Variants in F13B observed in about 807,000 individuals in gnomAD.
The protein encoded by F13B is TGase.
In F13B, 58 loss-of-function variants were observed where a neutral mutation model predicts 79.8. The observed-to-expected ratio is 0.73, with a 90% CI of 0.59 to 0.90. The LOEUF is 0.90. F13B is among the 40% of genes least tolerant of loss of function. The pLI, the probability that F13B is intolerant of heterozygous loss-of-function variation, is 0.00. For synonymous variants in F13B, 283 were observed against 260.3 expected, an observed-to-expected ratio of 1.09 and a Z score of -0.84; for missense variants, 773 against 777.0, an observed-to-expected ratio of 0.99 and a Z score of 0.06.
intron 10 of F13B, among the ~76,000 whole-genome samples, chr1:197,041,112 T>G (rs1655022162): frequency 6.6e-6 from 1 of 152,126 alleles, no homozygotes; most frequent in South Asian, 2.1e-4. Flanking sequence ...CCCTTTTCCT[T>G]CTTCAGAAAG....
chr1:197,060,496 A>T lies in F13B; in HGVS notation c.675T>A (p.His225Gln), dbSNP rs182353865. 1.4e-5 allele frequency: 22 copies of T among 1,604,462 alleles called. No individual in the cohort carries two copies. In the East Asian group the frequency reaches 2.5e-4, roughly 18 times the overall value. ...CTTCTTCATAGGTTTGCTTTACAGG[A>T]TGAAAATAACCATTTTCAATTAATC... is the stretch of plus-strand genomic sequence containing the variant. ...SLRLIENGYF[H>Q]PVKQTYEEGD... The change falls in exon 5 of 12, where the codon CAT becomes CAA. Residue 225 changes from histidine to glutamine, a missense_variant. By Grantham distance (24) the His-to-Gln change is conservative. Coordinates refer to ENST00000367412, the MANE Select transcript of F13B (RefSeq NM_001994.3).
intron 1 of F13B, among the ~76,000 whole-genome samples, chr1:197,065,081 C>T (rs990845607): frequency 2.6e-5 from 4 of 152,122 alleles, no homozygotes; most frequent in African/African-American, 9.7e-5. Flanking sequence ...TTATTCTCAC[C>T]ATTTTTTCAC....
At chr1:197,044,070 GAGAGAGAGAGAGAA>G (rs1345524269) in intron 10 of F13B, among the ~76,000 whole-genome samples, 1 of 151,124 alleles carries the variant, frequency 6.6e-6, no homozygotes, top group Non-Finnish European at 1.5e-5. Flanking sequence ...TATATATATA[GAGAGAGAGAGAGAA>G]AGAGAGAGAG....
Position 197,062,837 on chromosome 1 carries a change from G to A in F13B, c.265+20C>T, listed in dbSNP as rs764316971. 2.5e-6 allele frequency: 4 copies of A among 1,611,132 alleles called. No homozygotes were observed. The highest frequency in any genetic ancestry group is 3.4e-6 in the Non-Finnish European group (4 of 1,177,444). On this transcript the variant is annotated intron_variant, in intron 2 of 11. Transcript: ENST00000367412. ...TTCTTTGAGTATTGAAACATTGAGT[G>A]ACATATCCAGCTGACTTACTGAAGC...
intron 10 of F13B, among the ~76,000 whole-genome samples, chr1:197,046,538 C>A (rs1179931835): frequency 6.6e-6 from 1 of 152,178 alleles, no homozygotes; most frequent in Non-Finnish European, 1.5e-5. Flanking sequence ...AAGAACATTC[C>A]ATGCTCATGG....
At chr1:197,049,498 A>G (rs1364319500) in intron 10 of F13B, among the ~76,000 whole-genome samples, 1 of 152,118 alleles carries the variant, frequency 6.6e-6, no homozygotes, top group Non-Finnish European at 1.5e-5. Context: ...GTAATGAACC[A>G]TCAAGAAACC....
Position 197,055,909 on chromosome 1 carries a change from G to A in F13B, c.1172-12C>T. ...ATTCTCATTATTTTCTAAGAAAAGA[G>A]GTTGTTTTAAAATTAATATGAGCTC... On this transcript the variant is annotated splice_polypyrimidine_tract_variant and intron_variant, in intron 7 of 11. Coordinates refer to ENST00000367412, the MANE Select transcript of F13B (RefSeq NM_001994.3). 1 of 1,610,980 alleles carries A rather than the reference G, an allele frequency of 6.2e-7. No homozygotes were observed. Among genetic ancestry groups the A allele is most frequent in the South Asian group, 1.1e-5 (1 of 90,958 alleles).
chr1:197,039,488 T>A, intron 11 of F13B, 77 bp from the exon 12 acceptor site: 1 of 1,129,730 alleles, frequency 8.9e-7, no homozygotes, highest in Non-Finnish European at 1.3e-6. Context: ...AGCCTTTCAA[T>A]TTTTCATATA....
intron 10 of F13B, among the ~76,000 whole-genome samples, chr1:197,042,644 C>G (rs1397118663): frequency 6.9e-6 from 1 of 145,756 alleles, no homozygotes; most frequent in South Asian, 2.3e-4. Flanking sequence ...CATGGTGAAA[C>G]CCCATCTCTA....
intron 10 of F13B, 139 bp downstream of exon 10, chr1:197,050,558 G>T: frequency 1.4e-6 from 1 of 735,540 alleles, no homozygotes; most frequent in Non-Finnish European, 2.2e-6. Context: ...ATAGAAAGCA[G>T]TGATAAAATA....
chr1:197,056,994 G>T lies in F13B; in HGVS notation c.1171+19C>A, dbSNP rs1430692296. The stretch of plus-strand genomic sequence containing the variant: ...TACACCATAAGTTTAGCTACTGATG[G>T]TAAATGTAGCATACATACCAACACA... On this transcript the variant is annotated intron_variant, in intron 7 of 11. Coordinates refer to ENST00000367412, the MANE Select transcript of F13B (RefSeq NM_001994.3). The T allele has an allele frequency of 1.9e-6, 3 of 1,611,510 alleles. No homozygotes were observed. The highest frequency in any genetic ancestry group is 2.2e-5 in the South Asian group (2 of 91,026).
intron 11 of F13B, 33 bp downstream of exon 11, chr1:197,040,489 A>C: frequency 6.6e-7 from 1 of 1,519,638 alleles, no homozygotes; most frequent in Non-Finnish European, 9.1e-7. Context: ...TGACCAAAAA[A>C]AATAATCTGA....
intron 9 of F13B, among the ~76,000 whole-genome samples, chr1:197,052,311 T>C (rs900046422): frequency 1.3e-5 from 2 of 152,146 alleles, no homozygotes. Flanking sequence ...GGAATGCTTT[T>C]ACACTGCTGA....
intron 1 of F13B, among the ~76,000 whole-genome samples, chr1:197,066,835 G>A (rs940377561): frequency 6.6e-6 from 1 of 152,012 alleles, no homozygotes; most frequent in Non-Finnish European, 1.5e-5. Flanking sequence ...CATAAATTTA[G>A]AATTAAAGTT....
intron 10 of F13B, among the ~76,000 whole-genome samples, chr1:197,048,094 C>A (rs890042430): frequency 6.6e-6 from 1 of 151,404 alleles, no homozygotes; most frequent in Non-Finnish European, 1.5e-5. Flanking sequence ...ATGTAACAAA[C>A]CTGCACATTG....
chr1:197,066,163 A>G (rs1656042502), intron 1 of F13B, among the ~76,000 whole-genome samples: 1 of 152,172 alleles, frequency 6.6e-6, no homozygotes, highest in Non-Finnish European at 1.5e-5. Flanking sequence ...AAATCATCCT[A>G]TTATAGAATT....
chr1:197,046,415 T>C (rs1290485615), intron 10 of F13B, among the ~76,000 whole-genome samples: 1 of 152,136 alleles, frequency 6.6e-6, no homozygotes, highest in Admixed American at 6.5e-5. Flanking sequence ...CCATTCACAA[T>C]TACTTCAAAG....
chr1:197,054,727 C>T lies in F13B; in HGVS notation c.1354+988G>A, dbSNP rs76111160. Among the ~76,000 whole-genome samples, 858 of 151,776 alleles carry T rather than the reference C, an allele frequency of 5.7e-3. 6 individuals are homozygous for T. The highest frequency in any genetic ancestry group is 0.02 in the African/African-American group (811 of 41,456). On this transcript the variant is annotated intron_variant, in intron 8 of 11. Transcript: ENST00000367412. ...AATCAAATTAAAATAATTGTGCTTG[C>T]CTGCTTAACAAAAAATGTCAAGATT...
chr1:197,042,591 G>A (rs1419844663), intron 10 of F13B, among the ~76,000 whole-genome samples: 1 of 150,462 alleles, frequency 6.6e-6, no homozygotes, highest in Non-Finnish European at 1.5e-5. Flanking sequence ...GGCCAAGGCG[G>A]GCGGATCATC....
Sources: allele counts gnomAD v4.1 joint callset (sites outside exome capture counted in the v4.1 genomes callset), GRCh38; gene constraint gnomAD v4.1.1; transcripts MANE v1.5; gene names NCBI Gene and HGNC (gene_info 2026-07-23, HGNC 2026-07-21).